Variants in TBL1X observed in about 807,000 individuals in gnomAD.
TBL1X encodes the protein F-box-like/WD repeat-containing protein TBL1X.
Under a neutral mutation model 50.7 loss-of-function variants are expected in TBL1X, and 10 were observed. That is an observed-to-expected ratio of 0.20 (90% CI 0.12 to 0.33). The LOEUF is 0.33. Ranked by LOEUF, TBL1X falls within the 10% of genes least tolerant of loss-of-function variation. The pLI is 1.00. For synonymous variants in TBL1X, 190 were observed against 214.7 expected, an observed-to-expected ratio of 0.88 and a Z score of 1.01; for missense variants, 340 against 504.4, an observed-to-expected ratio of 0.67 and a Z score of 3.12.
intron 2 of TBL1X, among the ~76,000 whole-genome samples, chrX:9,615,634 C>G (rs1469366478): frequency 2.0e-4 from 23 of 112,257 alleles, no homozygotes; most frequent in Middle Eastern, 4.6e-3. Flanking sequence ...GCCCTGTAAC[C>G]AGAGTCCTCT....
At chrX:9,697,763 C>G (rs1045414731) in intron 12 of TBL1X, among the ~76,000 whole-genome samples, 1 of 111,241 alleles carries the variant, frequency 9.0e-6, no homozygotes, top group Non-Finnish European at 1.9e-5. Flanking sequence ...AGAGCCAGAC[C>G]GTGTCTCAAA....
intron 5 of TBL1X, among the ~76,000 whole-genome samples, chrX:9,669,413 T>G (rs1295212742): frequency 8.9e-6 from 1 of 111,758 alleles, no homozygotes; most frequent in Admixed American, 9.5e-5. Flanking sequence ...AAATGTGTTC[T>G]TTCCTGTCCA....
chrX:9,474,504 TAG>T (rs2081837344), intron 1 of TBL1X, among the ~76,000 whole-genome samples: 1 of 113,220 alleles, frequency 8.8e-6, no homozygotes, highest in Admixed American at 9.3e-5. Flanking sequence ...TGATTTGACT[TAG>T]GGAAGAAAGA....
At chrX:9,534,540 C>T (rs1362958010) in intron 2 of TBL1X, among the ~76,000 whole-genome samples, 1 of 110,138 alleles carries the variant, frequency 9.1e-6, no homozygotes, top group African/African-American at 3.3e-5. Flanking sequence ...ATTTAAGTGC[C>T]TAATTCAACA....
At chrX:9,505,169 GA>G (rs1184525944) in intron 2 of TBL1X, among the ~76,000 whole-genome samples, 1 of 111,853 alleles carries the variant, frequency 8.9e-6, no homozygotes, top group African/African-American at 3.2e-5. Flanking sequence ...CATTCTTAAA[GA>G]AAAGAATTTT....
chrX:9,569,577 G>C (rs760157745), intron 2 of TBL1X, among the ~76,000 whole-genome samples: 1 of 112,074 alleles, frequency 8.9e-6, no homozygotes, highest in African/African-American at 3.2e-5. Flanking sequence ...AGCACTTGAG[G>C]ATCATTTGAG....
chrX:9,647,247 G>A (rs964028825), intron 3 of TBL1X, among the ~76,000 whole-genome samples: 14 of 111,496 alleles, frequency 1.3e-4, no homozygotes, highest in African/African-American at 4.6e-4. Context: ...CTTCTTGACG[G>A]CTCTAAACCC....
chrX:9,703,368 C>T (rs1047153687), intron 12 of TBL1X, among the ~76,000 whole-genome samples: 1 of 111,114 alleles, frequency 9.0e-6, no homozygotes, highest in Non-Finnish European at 1.9e-5. Context: ...TCTGTCTCGG[C>T]ATCGCATGGC....
At chrX:9,685,350 G>A (rs1490763423) in intron 6 of TBL1X, among the ~76,000 whole-genome samples, 1 of 111,787 alleles carries the variant, frequency 8.9e-6, no homozygotes, top group African/African-American at 3.3e-5. Flanking sequence ...GGGTGCAGTG[G>A]CACAGTCATG....
intron 1 of TBL1X, among the ~76,000 whole-genome samples, chrX:9,474,983 C>T (rs926965911): frequency 8.9e-6 from 1 of 112,079 alleles, no homozygotes; most frequent in African/African-American, 3.2e-5. Context: ...AAGCAATTCT[C>T]CTGCCTCAGC....
rs769062245 is a variant in TBL1X, at chrX:9,599,436, G to A, written c.-130-40837G>A. On this transcript the variant is annotated intron_variant, in intron 2 of 17. Transcript: ENST00000645353. ...TCAATTAAAAGGTTCTGCTTTCATT[G>A]CCGCCAGGTTGGGAAAAGTTGCCAG... Among the ~76,000 whole-genome samples, 9 of 112,314 alleles carry A rather than the reference G, an allele frequency of 8.0e-5. 1 individual carries two copies. The highest frequency in any genetic ancestry group is 1.9e-5 in the Non-Finnish European group (1 of 53,306).
At chrX:9,619,305 T>A (rs776886423) in intron 2 of TBL1X, among the ~76,000 whole-genome samples, 4 of 112,265 alleles carry the variant, frequency 3.6e-5, no homozygotes, top group Non-Finnish European at 7.5e-5. Context: ...CGAAAGCATG[T>A]GAATATGCAG....
At chrX:9,494,031 C>T (rs981080661) in intron 1 of TBL1X, among the ~76,000 whole-genome samples, 4 of 111,460 alleles carry the variant, frequency 3.6e-5, no homozygotes, top group African/African-American at 9.8e-5. Flanking sequence ...GATTCATCTT[C>T]GAGACTGTTC....
At chrX:9,535,310 T>G (rs1026924332) in intron 2 of TBL1X, among the ~76,000 whole-genome samples, 1 of 112,502 alleles carries the variant, frequency 8.9e-6, no homozygotes, top group Non-Finnish European at 1.9e-5. Context: ...AACGAAATCA[T>G]CGTGCACAGA....
chrX:9,648,594 A>C (rs1465907049), intron 3 of TBL1X, among the ~76,000 whole-genome samples: 1 of 112,240 alleles, frequency 8.9e-6, no homozygotes, highest in Non-Finnish European at 1.9e-5. Context: ...CCATCAGTCA[A>C]GAATTTAACT....
intron 2 of TBL1X, among the ~76,000 whole-genome samples, chrX:9,536,727 T>C (rs1361615849): frequency 2.7e-5 from 3 of 111,858 alleles, no homozygotes; most frequent in African/African-American, 9.8e-5. Flanking sequence ...ACTAGACGCA[T>C]GTTACTCTTA....
chrX:9,584,374 C>A (rs777775625), intron 2 of TBL1X, among the ~76,000 whole-genome samples: 10 of 112,299 alleles, frequency 8.9e-5, no homozygotes, highest in Non-Finnish European at 1.5e-4. Flanking sequence ...AAGCATAATT[C>A]TGTATATGGA....
At chrX:9,623,461 A>G (rs999567684) in intron 2 of TBL1X, among the ~76,000 whole-genome samples, 84 of 110,831 alleles carry the variant, frequency 7.6e-4, no homozygotes, top group Non-Finnish European at 1.5e-3. Flanking sequence ...GTGAAGTGGG[A>G]GGATCATTTG....
chrX:9,489,156 C>T (rs138599260), intron 1 of TBL1X, among the ~76,000 whole-genome samples: 2,365 of 110,238 alleles, frequency 0.021, 67 homozygotes, highest in African/African-American at 0.074. Context: ...GACTTGGAGT[C>T]TCAGAGTCTG....
Sources: allele counts gnomAD v4.1 joint callset (sites outside exome capture counted in the v4.1 genomes callset), GRCh38; gene constraint gnomAD v4.1.1; transcripts MANE v1.5; gene names NCBI Gene and HGNC (gene_info 2026-07-23, HGNC 2026-07-21).